Variants in ENPP2 observed in about 807,000 individuals in gnomAD.
The protein encoded by ENPP2 is autotaxin.
Under a neutral mutation model 120.2 loss-of-function variants are expected in ENPP2, and 51 were observed. The ratio of observed to expected loss-of-function variants is 0.42; its 90% confidence interval spans 0.34 to 0.54. ENPP2 has a LOEUF of 0.54. Among genes scored for constraint, ENPP2 ranks in the 20% least tolerant of loss-of-function variants. The pLI, the probability that ENPP2 is intolerant of heterozygous loss-of-function variation, is 0.04. For synonymous variants in ENPP2, 365 were observed against 366.4 expected, an observed-to-expected ratio of 1.00 and a Z score of 0.04; for missense variants, 920 against 1,066.5, an observed-to-expected ratio of 0.86 and a Z score of 1.91.
chr8:119,604,587 CAAAAA>C (rs34725889), intron 9 of ENPP2, among the ~76,000 whole-genome samples: 1 of 143,258 alleles, frequency 7.0e-6, no homozygotes, highest in Non-Finnish European at 1.6e-5. Context: ...TAGAAATGGT[CAAAAA>C]AAAAAAAAAA....
intron 23 of ENPP2, among the ~76,000 whole-genome samples, chr8:119,563,450 T>C (rs1163698886): frequency 1.3e-5 from 2 of 152,158 alleles, no homozygotes; most frequent in African/African-American, 4.8e-5. Flanking sequence ...AGTTCCATGT[T>C]TCAGGAAGAT....
At chr8:119,667,953 A>G (rs1818122831) in intron 1 of ENPP2, among the ~76,000 whole-genome samples, 1 of 152,084 alleles carries the variant, frequency 6.6e-6, no homozygotes, top group Non-Finnish European at 1.5e-5. Flanking sequence ...CACTGAAGGT[A>G]CTGACACCTC....
chr8:119,618,743 C>G (rs1331352469), intron 5 of ENPP2, among the ~76,000 whole-genome samples: 1 of 151,634 alleles, frequency 6.6e-6, no homozygotes, highest in Non-Finnish European at 1.5e-5. Context: ...CCATGTTGGC[C>G]AGGCTGGTCT....
intron 19 of ENPP2, among the ~76,000 whole-genome samples, chr8:119,579,650 C>T (rs149094513): frequency 2.6e-5 from 4 of 151,760 alleles, no homozygotes; most frequent in East Asian, 1.9e-4. Flanking sequence ...AGAGTTAGGG[C>T]TTGAGATGAT....
At chr8:119,640,809 C>T (rs1454668689), upstream of ENPP2, among the ~76,000 whole-genome samples, 2 of 152,094 alleles carry the variant, frequency 1.3e-5, no homozygotes, top group Non-Finnish European at 2.9e-5. Flanking sequence ...AGTGCAATGG[C>T]TCGATCTCGG....
In ENPP2 at chr8:119,593,840, T is replaced by C. The variant is rs147162570; in HGVS notation, c.993A>G (p.Glu331=). The stretch of plus-strand genomic sequence containing the variant: ...TTAATTGCCCCACAATTTTGTCGAT[T>C]TCCCTCAGAGGATTTGTCATCTAGG... ...FGPEMTNPLR[E]IDKIVGQLMD... is the part of the protein sequence containing the mutation. The change falls in exon 12 of 25, where the codon GAA becomes GAG. Residue 331 remains glutamate, a synonymous_variant. Transcript: ENST00000075322. The C allele has an allele frequency of 9.9e-6, 16 of 1,609,748 alleles. No individual in the cohort carries two copies. The highest frequency in any genetic ancestry group is 1.3e-5 in the African/African-American group (1 of 74,838).
At chr8:119,615,155 G>A (rs1815374333) in intron 8 of ENPP2, among the ~76,000 whole-genome samples, 1 of 151,986 alleles carries the variant, frequency 6.6e-6, no homozygotes, top group African/African-American at 2.4e-5. Context: ...AGATCATTGA[G>A]GCATGGTGGA....
At chr8:119,663,481 G>T (rs1370246301) in intron 1 of ENPP2, among the ~76,000 whole-genome samples, 1 of 152,048 alleles carries the variant, frequency 6.6e-6, no homozygotes, top group Non-Finnish European at 1.5e-5. Context: ...GGGCATCCTG[G>T]GATTTTATTG....
chr8:119,576,194 A>G (rs557546719), intron 19 of ENPP2, among the ~76,000 whole-genome samples: 60 of 152,292 alleles, frequency 3.9e-4, no homozygotes, highest in African/African-American at 1.4e-3. Context: ...GCTGGAGTAC[A>G]ATGGCGAGAT....
At chr8:119,671,519 G>A (rs1818248292) in intron 1 of ENPP2, among the ~76,000 whole-genome samples, 1 of 152,158 alleles carries the variant, frequency 6.6e-6, no homozygotes, top group African/African-American at 2.4e-5. Context: ...GGTGATGATT[G>A]TCATGAATGA....
chr8:119,608,695 G>T (rs907024913), intron 8 of ENPP2, among the ~76,000 whole-genome samples: 2 of 152,116 alleles, frequency 1.3e-5, no homozygotes, highest in African/African-American at 4.8e-5. Flanking sequence ...TCACTTACCA[G>T]CCATGTAGTC....
At chr8:119,671,225 C>T (rs988710103) in intron 1 of ENPP2, among the ~76,000 whole-genome samples, 5 of 151,902 alleles carry the variant, frequency 3.3e-5, no homozygotes, top group Admixed American at 6.6e-5. Flanking sequence ...TGCTTGAACC[C>T]GGGAGGTGGA....
intron 12 of ENPP2, among the ~76,000 whole-genome samples, chr8:119,592,404 T>A (rs1303523274): frequency 2.3e-5 from 3 of 130,266 alleles, no homozygotes; most frequent in African/African-American, 9.1e-5. Flanking sequence ...ACCCGGGAGG[T>A]GGAGGTTGCA....
chr8:119,616,334 A>T lies in ENPP2; in HGVS notation c.708T>A (p.Pro236=), dbSNP rs1349019916. 6.2e-7 allele frequency: 1 copy of T among 1,609,208 alleles called. No individual in the cohort carries two copies. Among genetic ancestry groups the T allele is most frequent in the South Asian group, 1.1e-5 (1 of 90,708 alleles). Residue 236 remains proline (P), a synonymous_variant, in exon 8 of 25, where the codon CCT becomes CCA. Coordinates refer to ENST00000075322, the MANE Select transcript of ENPP2 (RefSeq NM_001040092.3). The part of the protein sequence containing the change: ...HGIVGNSMYD[P]VFDATFHLRG... Reference sequence around the variant, plus strand: ...GCAGATGAAAAGTGGCATCAAATACAGGATCATACATTGAATTGCCAACAA... The same window carrying T: ...GCAGATGAAAAGTGGCATCAAATACTGGATCATACATTGAATTGCCAACAA...
intron 1 of ENPP2, among the ~76,000 whole-genome samples, chr8:119,672,127 C>T (rs1818268916): frequency 6.6e-6 from 1 of 151,986 alleles, no homozygotes; most frequent in African/African-American, 2.4e-5. Flanking sequence ...AGGAGCAAAC[C>T]GGTAGTGAGG....
chr8:119,582,252 T>C (rs1587384210), intron 18 of ENPP2, among the ~76,000 whole-genome samples, 166 bp downstream of exon 18: 1 of 152,222 alleles, frequency 6.6e-6, no homozygotes, highest in South Asian at 2.1e-4. Context: ...TCTTTAATTA[T>C]AAAGTAATGA....
chr8:119,585,554 C>G (rs1813045267), intron 15 of ENPP2, among the ~76,000 whole-genome samples: 1 of 152,130 alleles, frequency 6.6e-6, no homozygotes, highest in Admixed American at 6.5e-5. Flanking sequence ...TGAGTGGGAA[C>G]AGCTACTTCC....
At chr8:119,617,121 G>A (rs1365301971) in intron 7 of ENPP2, 43 bp downstream of exon 7, 1 of 1,187,708 alleles carries the variant, frequency 8.4e-7, no homozygotes, top group Admixed American at 1.7e-5. Context: ...ATTCCAGGAT[G>A]AAATCAGCCC....
intron 2 of ENPP2, among the ~76,000 whole-genome samples, chr8:119,627,308 A>G (rs1173716146): frequency 2.0e-5 from 3 of 152,196 alleles, no homozygotes; most frequent in Admixed American, 2.0e-4. Context: ...AAACTCCTCC[A>G]TCAATATTTT....
Sources: gnomAD v4.1 joint callset for allele counts (sites outside exome capture counted in the v4.1 genomes callset) on GRCh38, gnomAD v4.1.1 for gene constraint, MANE v1.5 for transcripts, NCBI Gene and HGNC (gene_info 2026-07-23, HGNC 2026-07-21) for gene names.